TEX15: variants seen among roughly 807,000 people sequenced by gnomAD.
TEX15 encodes testis-expressed protein 15.
Under a neutral mutation model 237.3 loss-of-function variants are expected in TEX15, and 171 were observed. The ratio of observed to expected loss-of-function variants is 0.72; its 90% CI spans 0.64 to 0.82. The LOEUF (loss-of-function observed/expected upper bound fraction) is 0.82, where lower values mean the gene tolerates loss of function less well. Ranked by LOEUF, TEX15 falls within the 40% of genes least tolerant of loss-of-function variation. The pLI is 0.00. For missense variants in TEX15, 3,750 were observed against 3,646.5 expected (o/e 1.03, Z -0.73); for synonymous variants, 1,338 against 1,269.8 (o/e 1.05, Z -1.14).
chr8:30,880,460 T>A (rs1363017261), intron 3 of TEX15, among the ~76,000 whole-genome samples: 2 of 152,216 alleles, frequency 1.3e-5, no homozygotes, highest in African/African-American at 2.4e-5. Context: ...TTGGATTTTC[T>A]TCCACCTCTG....
At chr8:30,858,915 G>A (rs1461788682) in intron 6 of TEX15, 85 bp from the exon 7 acceptor site, 2 of 936,112 alleles carry the variant, frequency 2.1e-6, no homozygotes, top group Non-Finnish European at 3.0e-6. Context: ...CAATATAATT[G>A]CATATTATTT....
chr8:30,912,318 C>T (rs1216453866), intron 1 of TEX15, among the ~76,000 whole-genome samples: 1 of 51,744 alleles, frequency 1.9e-5, no homozygotes, highest in Non-Finnish European at 3.9e-5. Flanking sequence ...GAGTTGCGGT[C>T]CCGGGGCGGC....
intron 3 of TEX15, among the ~76,000 whole-genome samples, chr8:30,883,135 G>A (rs1808567475): frequency 6.6e-6 from 1 of 151,862 alleles, no homozygotes; most frequent in Non-Finnish European, 1.5e-5. Flanking sequence ...TTTAGAGACA[G>A]GGTCTCACTC....
chr8:30,859,993 G>C lies in TEX15; in HGVS notation c.605C>G (p.Pro202Arg). The C allele has an allele frequency of 6.6e-7, 1 of 1,514,616 alleles. No individual in the cohort carries two copies. Among genetic ancestry groups the C allele is most frequent in the East Asian group, 2.5e-5 (1 of 40,290 alleles). 93.8% of individuals were successfully genotyped at this position (1,514,616 alleles called of 1,614,324 possible). Reference protein sequence around the residue: ...SVDKNKVSLDPSPNFDCHMSR... With the variant: ...SVDKNKVSLDRSPNFDCHMSR... ...CATATGGCAATCAAAGTTAGGAGAA[G>C]GATCCAAAGAAACTTTATTTTTATC... Residue 202 changes from proline (P) to arginine (R), a missense_variant, in exon 6 of 11, where the codon CCT (proline) becomes CGT (arginine). Coordinates refer to ENST00000643185, the MANE Select transcript of TEX15 (RefSeq NM_001350162.2).
At position 30,848,616 on chromosome 8, in the gene TEX15, G is replaced by C; in HGVS notation, c.1551C>G (p.Asp517Glu). 1 of 1,614,100 alleles carries C rather than the reference G, an allele frequency of 6.2e-7. No homozygotes were observed. The highest frequency in any genetic ancestry group is 8.5e-7 in the Non-Finnish European group (1 of 1,180,010). Reference sequence around the variant, plus strand: ...CTTTATTGGGAGGTATACAGTCATAGTCCTCAGAGCCCATGTTGTGAGCCC... The same window carrying C: ...CTTTATTGGGAGGTATACAGTCATACTCCTCAGAGCCCATGTTGTGAGCCC... ...QSWAHNMGSE[D>E]YDCIPPNKVT... Residue 517 changes from aspartate to glutamate, a missense_variant, in exon 8 of 11, where the codon GAC becomes GAG. By Grantham distance (45) the Asp-to-Glu change is conservative. Coordinates refer to ENST00000643185, the MANE Select transcript of TEX15 (RefSeq NM_001350162.2).
rs1003994933 is a variant in TEX15 at position 30,859,841 on chromosome 8, G to A, written c.687+70C>T. On this transcript the variant is annotated intron_variant, in intron 6 of 10. Transcript: ENST00000643185. ...AAGAGATTTTCATTTAACATTTTGG[G>A]AATTTAAGTCTTAAAACATACAATG... is the stretch of plus-strand genomic sequence containing the variant. 6 of 1,170,114 alleles carry A rather than the reference G, an allele frequency of 5.1e-6. No individual in the cohort carries two copies. The African/African-American group carries it at 6.4e-5, about 12-fold the overall frequency. The allele number at this position is 1,170,114 out of a possible 1,614,324, so 72.5% of individuals were successfully genotyped here.
chr8:30,888,903 C>T (rs1314728355), intron 2 of TEX15, among the ~76,000 whole-genome samples: 1 of 152,146 alleles, frequency 6.6e-6, no homozygotes, highest in Non-Finnish European at 1.5e-5. Flanking sequence ...TCCATTCAGC[C>T]ACAATGACAG....
chr8:30,905,579 T>A lies in TEX15; in HGVS notation c.-85-6762A>T, dbSNP rs1041575655. Among the ~76,000 whole-genome samples, 24 of 151,992 alleles carry A rather than the reference T, an allele frequency of 1.6e-4. 1 individual carries two copies. Among genetic ancestry groups the A allele is most frequent in the Admixed American group, 1.3e-3 (20 of 15,254 alleles). The stretch of plus-strand genomic sequence containing the variant: ...TTCACGCCATGGATAAGAGATAATA[T>A]TTTTGGTGGCAGTTTGGTGAAGCCA... On this transcript the variant is annotated intron_variant, in intron 1 of 10. Transcript: ENST00000643185.
chr8:30,847,929 C>T lies in TEX15; in HGVS notation c.2238G>A (p.Met746Ile), dbSNP rs1807661200. 1.9e-6 allele frequency: 3 copies of T among 1,613,962 alleles called. No individual in the cohort carries two copies. Among genetic ancestry groups the T allele is most frequent in the Non-Finnish European group, 2.5e-6 (3 of 1,179,950 alleles). The change falls in exon 8 of 11, where the codon ATG becomes ATA. Residue 746 changes from methionine to isoleucine, a missense_variant. Transcript: ENST00000643185. The part of the protein sequence containing the change: ...HTSLAIAQKL[M>I]ELKLGKINQN... The stretch of plus-strand genomic sequence containing the variant: ...GATTTATTTTCCCCAATTTCAGTTC[C>T]ATTAGCTTTTGAGCAATGGCTAAAC...
chr8:30,839,918 A>C lies in TEX15; in HGVS notation c.8210T>G (p.Phe2737Cys), dbSNP rs1461950137. 13 of 1,601,654 alleles carry C rather than the reference A, an allele frequency of 8.1e-6. No individual in the cohort carries two copies. The highest frequency in any genetic ancestry group is 1.1e-5 in the Non-Finnish European group (13 of 1,174,324). Residue 2737 changes from phenylalanine (F) to cysteine (C), a missense_variant, in exon 9 of 11, where the codon TTC becomes TGC. Coordinates refer to ENST00000643185, the MANE Select transcript of TEX15 (RefSeq NM_001350162.2). ...TGGGAACTCCTACCTTGGATGCTTG[A>C]ATGTTGCCTTTTCTCTGTTGATTTT... The part of the protein sequence containing the change: ...VTKINREKAT[F>C]KHPRTTGSHP...
intron 1 of TEX15, among the ~76,000 whole-genome samples, chr8:30,906,191 C>A (rs1475319074): frequency 6.6e-6 from 1 of 152,102 alleles, no homozygotes; most frequent in East Asian, 1.9e-4. Flanking sequence ...ATATTTTAAT[C>A]CTCACAGTTT....
intron 2 of TEX15, among the ~76,000 whole-genome samples, chr8:30,894,806 T>C (rs1311183781): frequency 6.6e-6 from 1 of 152,014 alleles, no homozygotes; most frequent in Non-Finnish European, 1.5e-5. Context: ...TATTGGGAGG[T>C]GGGGCCTTCA....
At chr8:30,867,895 C>T (rs1021182313) in intron 4 of TEX15, among the ~76,000 whole-genome samples, 1 of 152,020 alleles carries the variant, frequency 6.6e-6, no homozygotes, top group Admixed American at 6.6e-5. Flanking sequence ...TAAATCTTGC[C>T]GAAGTAGGAA....
chr8:30,896,976 G>A (rs1380940396), intron 2 of TEX15, among the ~76,000 whole-genome samples: 3 of 151,966 alleles, frequency 2.0e-5, no homozygotes, highest in African/African-American at 7.3e-5. Context: ...AAATTCTCAG[G>A]GCCAACCAGT....
intron 1 of TEX15, among the ~76,000 whole-genome samples, chr8:30,906,511 A>T (rs1214830836): frequency 6.6e-6 from 1 of 151,438 alleles, no homozygotes; most frequent in Non-Finnish European, 1.5e-5. Flanking sequence ...AGTGATGTGA[A>T]CCCGGGAGGC....
In TEX15 at chr8:30,859,915, G is replaced by A. The variant is rs1293882730; in HGVS notation, c.683C>T (p.Ser228Leu). 3 of 1,481,376 alleles carry A rather than the reference G, an allele frequency of 2.0e-6. No individual in the cohort carries two copies. Among genetic ancestry groups the A allele is most frequent in the Non-Finnish European group, 2.7e-6 (3 of 1,126,382 alleles). The allele number at this position is 1,481,376 out of a possible 1,614,324, so 91.8% of individuals were successfully genotyped here. ...TCAAATGAACCATTAACATACTGCTGAACTGTAGGCTTGCAGTTCAATGGT... is the reference window on the plus strand; with the variant it reads ...TCAAATGAACCATTAACATACTGCTAAACTGTAGGCTTGCAGTTCAATGGT... The part of the protein sequence containing the change: ...KDTIELQAYS[S>L]AVYFYEYSVL... Residue 228 changes from serine to leucine, a missense_variant, in exon 6 of 11, where the codon TCA becomes TTA. Coordinates refer to ENST00000643185, the MANE Select transcript of TEX15 (RefSeq NM_001350162.2).
intron 2 of TEX15, among the ~76,000 whole-genome samples, chr8:30,889,437 A>G (rs59684899): frequency 0.077 from 11,660 of 152,180 alleles, 586 homozygotes; most frequent in African/African-American, 0.11. Context: ...GGGAAACAGT[A>G]TGAGACTCCG....
intron 4 of TEX15, among the ~76,000 whole-genome samples, chr8:30,871,810 T>C (rs1049962802): frequency 6.6e-6 from 1 of 152,132 alleles, no homozygotes; most frequent in Admixed American, 6.6e-5. Context: ...AATGCCTTCA[T>C]TTCCAATAGA....
intron 1 of TEX15, among the ~76,000 whole-genome samples, chr8:30,906,641 C>T (rs1809108422): frequency 6.6e-6 from 1 of 151,044 alleles, no homozygotes; most frequent in African/African-American, 2.4e-5. Context: ...TATTAAAGTG[C>T]TTGTATTTGT....
Sources: allele counts gnomAD v4.1 joint callset (sites outside exome capture counted in the v4.1 genomes callset), GRCh38; gene constraint gnomAD v4.1.1; transcripts MANE v1.5; gene names NCBI Gene and HGNC (gene_info 2026-07-23, HGNC 2026-07-21).